Variants in MARCHF1 observed in about 807,000 individuals in gnomAD.
MARCHF1 encodes the protein E3 ubiquitin-protein ligase MARCHF1.
In MARCHF1, 40 loss-of-function variants were observed where a neutral mutation model predicts 54.2. The observed-to-expected ratio is 0.74, with a 90% CI of 0.57 to 0.96. The LOEUF is 0.96. MARCHF1 is among the 40% of genes least tolerant of loss of function. The pLI is 0.00. For synonymous variants in MARCHF1, 236 were observed against 236.3 expected (o/e 1.00, Z 0.01); for missense variants, 586 against 656.5 (o/e 0.89, Z 1.17).
At chr4:163,934,524 A>G (rs1751751956) in intron 3 of MARCHF1, among the ~76,000 whole-genome samples, 3 of 139,822 alleles carry the variant, frequency 2.1e-5, no homozygotes, top group Admixed American at 7.6e-5. Context: ...ATGCCATGGC[A>G]CTCCAGCCTG....
rs549158680 is a variant in MARCHF1, at chr4:163,641,425, G to C, written c.163-28032C>G. 1.1e-4 allele frequency among the ~76,000 whole-genome samples: 17 copies of C among 152,186 alleles called. No individual in the cohort carries two copies. In the South Asian group the frequency reaches 3.5e-3, roughly 32 times the overall value. On this transcript the variant is annotated intron_variant, in intron 5 of 9. Transcript: ENST00000514618. ...AGGAAAAAAAGTTTCTAAAGGAAAT[G>C]AACTCTTGTGATATTCAGAATATCT...
At chr4:163,682,527 G>A (rs755773962) in intron 5 of MARCHF1, among the ~76,000 whole-genome samples, 2 of 152,168 alleles carry the variant, frequency 1.3e-5, no homozygotes, top group African/African-American at 2.4e-5. Flanking sequence ...GCCTCGAGAC[G>A]TGGTGCCCTG....
intron 4 of MARCHF1, among the ~76,000 whole-genome samples, chr4:163,737,175 T>C (rs534905527): frequency 1.3e-5 from 1 of 74,084 alleles, no homozygotes; most frequent in East Asian, 2.0e-4. Flanking sequence ...TTTTTTTTTT[T>C]TTTTTTTCAC....
intron 8 of MARCHF1, among the ~76,000 whole-genome samples, chr4:163,574,498 G>A (rs1175659501): frequency 6.8e-6 from 1 of 147,800 alleles, no homozygotes; most frequent in African/African-American, 2.5e-5. Context: ...TGTATAAGGT[G>A]TAAGGAAGGG....
At chr4:163,690,261 G>A (rs1316393518) in intron 5 of MARCHF1, among the ~76,000 whole-genome samples, 3 of 152,112 alleles carry the variant, frequency 2.0e-5, no homozygotes, top group Non-Finnish European at 4.4e-5. Flanking sequence ...CTTTGACCTT[G>A]GACTTCCCTC....
At chr4:164,334,925 G>A (rs762698072) in intron 1 of MARCHF1, among the ~76,000 whole-genome samples, 4 of 152,168 alleles carry the variant, frequency 2.6e-5, no homozygotes, top group Non-Finnish European at 5.9e-5. Context: ...AGAGGAGCAA[G>A]TAACTGCAGA....
At chr4:164,051,643 A>T (rs141550178) in intron 2 of MARCHF1, among the ~76,000 whole-genome samples, 1 of 152,328 alleles carries the variant, frequency 6.6e-6, no homozygotes, top group East Asian at 1.9e-4. Flanking sequence ...TACAACTTGC[A>T]GAAGGTAGGT....
intron 2 of MARCHF1, among the ~76,000 whole-genome samples, chr4:164,034,441 T>G (rs1753951627): frequency 6.6e-6 from 1 of 152,034 alleles, no homozygotes; most frequent in South Asian, 2.1e-4. Context: ...AAAATGTAAC[T>G]ACCATTCAAC....
In MARCHF1 at chr4:163,528,489, C is replaced by A; in HGVS notation, c.*259G>T. ...AAAAGCATTCATTGCCCCAGTAGTT[C>A]TTAATTGTCTTGGAAATCATTCTCT... On this transcript the variant is annotated 3_prime_UTR_variant, in exon 10 of 10. Transcript: ENST00000514618. 2.3e-6 allele frequency: 1 copy of A among 435,982 alleles called. No individual in the cohort carries two copies. The highest frequency in any genetic ancestry group is 3.6e-5 in the South Asian group (1 of 27,544). 27.0% of individuals were successfully genotyped at this position (435,982 alleles called of 1,614,324 possible).
intron 1 of MARCHF1, among the ~76,000 whole-genome samples, chr4:164,154,106 A>G (rs751912893): frequency 2.0e-5 from 3 of 152,254 alleles, no homozygotes; most frequent in Non-Finnish European, 4.4e-5. Context: ...AAAAGACAAT[A>G]AAATTGTTTA....
chr4:163,558,166 C>A lies in MARCHF1; in HGVS notation c.1192-12423G>T, dbSNP rs946380891. On this transcript the variant is annotated intron_variant, in intron 8 of 9. Coordinates refer to ENST00000514618, the MANE Select transcript of MARCHF1 (RefSeq NM_001394959.1). ...GGTGAGGGGGGAAGAGTGGGCAGGA[C>A]CAGATGATGAGGACCCCCGATTATC... Among the ~76,000 whole-genome samples the A allele has an allele frequency of 2.6e-5, 4 of 152,016 alleles. No individual in the cohort carries two copies. In the East Asian group the frequency reaches 7.7e-4, roughly 29 times the overall value.
At chr4:164,076,865 G>C (rs560030228) in intron 2 of MARCHF1, among the ~76,000 whole-genome samples, 5 of 152,256 alleles carry the variant, frequency 3.3e-5, no homozygotes, top group African/African-American at 1.2e-4. Context: ...ACAAATCACT[G>C]TTCAAGGAAA....
At chr4:163,733,447 T>C (rs1226685006) in intron 4 of MARCHF1, among the ~76,000 whole-genome samples, 2 of 146,958 alleles carry the variant, frequency 1.4e-5, no homozygotes, top group African/African-American at 2.5e-5. Context: ...TCTAGCCTTC[T>C]TTTTTTTTAA....
intron 4 of MARCHF1, among the ~76,000 whole-genome samples, chr4:163,803,198 A>T (rs1038356859): frequency 6.6e-6 from 1 of 152,088 alleles, no homozygotes; most frequent in Non-Finnish European, 1.5e-5. Context: ...TTTGAGATAG[A>T]GTTTCACTCT....
intron 5 of MARCHF1, among the ~76,000 whole-genome samples, chr4:163,692,000 G>A (rs1033486269): frequency 4.6e-5 from 7 of 152,170 alleles, no homozygotes; most frequent in African/African-American, 1.7e-4. Flanking sequence ...TCAAGAGAGG[G>A]TTAACATGTG....
At chr4:163,545,882 TAA>T in intron 8 of MARCHF1, 139 bp from the exon 9 acceptor site, 2 of 709,494 alleles carry the variant, frequency 2.8e-6, no homozygotes, top group Non-Finnish European at 4.8e-6. Flanking sequence ...AATATTCAAA[TAA>T]GTCTTCATGT....
At chr4:164,091,599 A>G (rs865827624) in intron 2 of MARCHF1, among the ~76,000 whole-genome samples, 4 of 151,814 alleles carry the variant, frequency 2.6e-5, no homozygotes, top group Non-Finnish European at 5.9e-5. Flanking sequence ...TTGAAATACT[A>G]TATCTCAAAT....
At chr4:163,776,018 G>A (rs1380341810) in intron 4 of MARCHF1, among the ~76,000 whole-genome samples, 1 of 152,136 alleles carries the variant, frequency 6.6e-6, no homozygotes, top group East Asian at 1.9e-4. Context: ...TTTCTGACAA[G>A]AAGATTCTGA....
At chr4:164,353,780 A>G (rs1434774458) in intron 1 of MARCHF1, among the ~76,000 whole-genome samples, 23 of 128,642 alleles carry the variant, frequency 1.8e-4, no homozygotes, top group African/African-American at 6.8e-4. Flanking sequence ...AACTGAAGGA[A>G]ATAGAGACAC....
Sources: allele counts gnomAD v4.1 joint callset (sites outside exome capture counted in the v4.1 genomes callset), GRCh38; gene constraint gnomAD v4.1.1; transcripts MANE v1.5; gene names NCBI Gene and HGNC (gene_info 2026-07-23, HGNC 2026-07-21).